ADAM19: variants seen among roughly 807,000 people sequenced by gnomAD.
ADAM19 encodes disintegrin and metalloproteinase domain-containing protein 19.
ADAM19 carries 65 observed loss-of-function variants against 114.7 expected under a neutral mutation model. The ratio of observed to expected loss-of-function variants is 0.57; its 90% CI spans 0.46 to 0.70. The LOEUF is 0.70. ADAM19 is among the 30% of genes least tolerant of loss of function. The pLI is 0.00. For synonymous variants in ADAM19, 466 were observed against 460.5 expected (o/e 1.01, Z -0.15); for missense variants, 1,063 against 1,204.7 (o/e 0.88, Z 1.74).
At chr5:157,537,490 G>A (rs11134803) in intron 4 of ADAM19, among the ~76,000 whole-genome samples, 1 of 152,136 alleles carries the variant, frequency 6.6e-6, no homozygotes. Flanking sequence ...AAATGTATAT[G>A]CACAGTGATT....
At position 157,480,151 on chromosome 5, in the gene ADAM19, G is replaced by C; in HGVS notation, c.*798C>G. The C allele has an allele frequency of 1.0e-6, 1 of 986,108 alleles. No individual in the cohort carries two copies. The highest frequency in any genetic ancestry group is 1.2e-6 in the Non-Finnish European group (1 of 830,070). 61.1% of individuals were successfully genotyped at this position (986,108 alleles called of 1,614,324 possible). A position where few individuals can be genotyped will look rare whatever the true frequency, so the allele number is the denominator to read the frequency against. On this transcript the variant is annotated 3_prime_UTR_variant, in exon 23 of 23. Coordinates refer to ENST00000257527, the MANE Select transcript of ADAM19 (RefSeq NM_033274.5). ...AGGGAGAATGAGAGGGGAAGGAAGA[G>C]AGAAAAGCGTGGGGCACCAGGAAAG...
Position 157,488,308 on chromosome 5 carries a change from G to T in ADAM19, c.2507C>A (p.Pro836Gln). 6.2e-7 allele frequency: 1 copy of T among 1,614,150 alleles called. No individual in the cohort carries two copies. The highest frequency in any genetic ancestry group is 8.5e-7 in the Non-Finnish European group (1 of 1,179,972). Residue 836 changes from proline to glutamine, a missense_variant, in exon 21 of 23, where the codon CCA (proline) becomes CAA (glutamine). By Grantham distance (76) the Pro-to-Gln change is moderately conservative. This residue lies in a region of ADAM19 where 424 missense variants were observed against 445.5 expected (regional missense o/e 0.95). Transcript: ENST00000257527. ...ERTESSRRPP[P>Q]SRPIPPAPNC... ...TGGTGCGGGGGGAATTGGCCGGCTT[G>T]GAGGAGGCCTCCTGGACGACTCCGT...
At chr5:157,519,032 G>T in intron 6 of ADAM19, 144 bp from the exon 7 acceptor site, 2 of 695,676 alleles carry the variant, frequency 2.9e-6, no homozygotes, top group Non-Finnish European at 5.0e-6. Context: ...GTTCTTGGCT[G>T]TGGTGGCCAT....
intron 4 of ADAM19, among the ~76,000 whole-genome samples, chr5:157,533,916 C>T (rs1756691852): frequency 6.6e-6 from 1 of 152,012 alleles, no homozygotes. Context: ...TGCAGTGAGC[C>T]GAGATGGCAC....
At position 157,495,933 on chromosome 5, in the gene ADAM19, C is replaced by A. The variant is rs376412287; in HGVS notation, c.1594+961G>T. On this transcript the variant is annotated intron_variant, in intron 14 of 22. Transcript: ENST00000257527. Reference sequence around the variant, plus strand: ...ACAGGCGTGAGCCACTGTGCCCAGTCTTTTTTTTTTTTTTTTTTTTTTTTT... The same window carrying A: ...ACAGGCGTGAGCCACTGTGCCCAGTATTTTTTTTTTTTTTTTTTTTTTTTT... Among the ~76,000 whole-genome samples the A allele has an allele frequency of 9.7e-4, 74 of 75,912 alleles. 1 individual carries two copies. The highest frequency in any genetic ancestry group is 5.2e-3 in the Admixed American group (29 of 5,600). 49.8% of individuals were successfully genotyped at this position (75,912 alleles called of 152,430 possible).
chr5:157,509,276 C>T (rs1213010215), intron 9 of ADAM19, 25 bp downstream of exon 9: 1 of 1,592,102 alleles, frequency 6.3e-7, no homozygotes, highest in Admixed American at 1.7e-5. Flanking sequence ...AAGGACAACA[C>T]AACATATGGA....
Position 157,509,298 on chromosome 5 carries a change from T to G in ADAM19, c.905+3A>C, listed in dbSNP as rs746156894. 1 of 1,605,208 alleles carries G rather than the reference T, an allele frequency of 6.2e-7. No individual in the cohort carries two copies. Among genetic ancestry groups the G allele is most frequent in the Non-Finnish European group, 8.5e-7 (1 of 1,174,446 alleles). On this transcript the variant is annotated splice_donor_region_variant and intron_variant, in intron 9 of 22. Coordinates refer to ENST00000257527, the MANE Select transcript of ADAM19 (RefSeq NM_033274.5). ...ACACAACATATGGAAAAAGGCTATT[T>G]ACGTGATTAATTGGGCGTTGTCATG... is the stretch of plus-strand genomic sequence containing the variant.
chr5:157,536,045 G>A (rs977997008), intron 4 of ADAM19, among the ~76,000 whole-genome samples: 26 of 152,362 alleles, frequency 1.7e-4, no homozygotes, highest in African/African-American at 5.8e-4. Context: ...CCCTGGGGAT[G>A]AGAAGACACA....
chr5:157,572,918 C>T (rs531079523), intron 1 of ADAM19, among the ~76,000 whole-genome samples: 19 of 152,156 alleles, frequency 1.2e-4, no homozygotes, highest in African/African-American at 4.1e-4. Context: ...GGTGTGGTGG[C>T]GCATGCCTGT....
chr5:157,503,598 G>A (rs1468776521), intron 11 of ADAM19, among the ~76,000 whole-genome samples: 2 of 152,154 alleles, frequency 1.3e-5, no homozygotes, highest in African/African-American at 4.8e-5. Context: ...ATCAGGAGTA[G>A]CAATTTCTGC....
rs1754718737 is a variant in ADAM19 at position 157,480,677 on chromosome 5, C to T, written c.*272G>A. The T allele has an allele frequency of 8.0e-7, 1 of 1,254,188 alleles. No homozygotes were observed. Among genetic ancestry groups the T allele is most frequent in the South Asian group, 2.1e-5 (1 of 47,042 alleles). The allele number at this position is 1,254,188 out of a possible 1,614,324, so 77.7% of individuals were successfully genotyped here. ...GCTAGGAGTCTGGAGGAGAAGCTGC[C>T]AGTCACCCTCCTCATACTCTCCCCT... is the stretch of plus-strand genomic sequence containing the variant. On this transcript the variant is annotated 3_prime_UTR_variant, in exon 23 of 23. Transcript: ENST00000257527.
In ADAM19 at chr5:157,491,712, G is replaced by A; in HGVS notation, c.1998C>T (p.Asn666=). 6.3e-7 allele frequency: 1 copy of A among 1,593,484 alleles called. No individual in the cohort carries two copies. The highest frequency in any genetic ancestry group is 8.6e-7 in the Non-Finnish European group (1 of 1,168,466). The change falls in exon 18 of 23, where the codon AAC becomes AAT. Residue 666 remains asparagine, a synonymous_variant. Coordinates refer to ENST00000257527, the MANE Select transcript of ADAM19 (RefSeq NM_033274.5). The stretch of plus-strand genomic sequence containing the variant: ...CCGGCAGGCAGTGGCAGTTCTGGTT[G>A]TTGTTACAGACCTGGAGCAAAGAAA... ...KKCNGHGVCN[N]NQNCHCLPGW... is the part of the protein sequence containing the mutation.
chr5:157,545,469 T>G (rs1757023401), intron 3 of ADAM19, among the ~76,000 whole-genome samples: 1 of 152,224 alleles, frequency 6.6e-6, no homozygotes, highest in Non-Finnish European at 1.5e-5. Flanking sequence ...CTATTCATTC[T>G]AGGATCTCAA....
chr5:157,535,947 C>T (rs867312221), intron 4 of ADAM19, among the ~76,000 whole-genome samples: 2 of 152,236 alleles, frequency 1.3e-5, no homozygotes, highest in African/African-American at 4.8e-5. Flanking sequence ...ACCCCTGCCC[C>T]TGGAGGCAGA....
At chr5:157,515,807 C>T (rs986101514) in intron 7 of ADAM19, among the ~76,000 whole-genome samples, 5 of 152,190 alleles carry the variant, frequency 3.3e-5, no homozygotes, top group African/African-American at 1.2e-4. Flanking sequence ...ATCCTGTCTA[C>T]TCCTACAACA....
intron 3 of ADAM19, among the ~76,000 whole-genome samples, chr5:157,561,024 T>C (rs567790053): frequency 6.6e-6 from 1 of 152,212 alleles, no homozygotes; most frequent in Admixed American, 6.5e-5. Context: ...TTAAAGAGGC[T>C]ACAAGGTAGT....
chr5:157,483,532 G>A (rs983343062), intron 21 of ADAM19, among the ~76,000 whole-genome samples: 5 of 152,058 alleles, frequency 3.3e-5, no homozygotes, highest in East Asian at 1.9e-4. Context: ...CACGCTCACC[G>A]CCTAATAGAA....
At chr5:157,499,002 AACAG>A (rs1278752371) in intron 13 of ADAM19, among the ~76,000 whole-genome samples, 22 of 152,248 alleles carry the variant, frequency 1.4e-4, no homozygotes, top group African/African-American at 4.8e-4. Flanking sequence ...CACTAGCAGC[AACAG>A]ACAATTTATC....
chr5:157,575,628 C>A lies in ADAM19; in HGVS notation c.69G>T (p.Arg23=), dbSNP rs1205750299. 1 of 1,443,606 alleles carries A rather than the reference C, an allele frequency of 6.9e-7. No individual in the cohort carries two copies. Among genetic ancestry groups the A allele is most frequent in the South Asian group, 1.4e-5 (1 of 73,306 alleles). The allele number at this position is 1,443,606 out of a possible 1,614,324, so 89.4% of individuals were successfully genotyped here. A position where few individuals can be genotyped will look rare whatever the true frequency, so the allele number is the denominator to read the frequency against. The part of the protein sequence containing the change: ...LAFALQPLRP[R]AAREPGWTRG... ...TTGTCCATCCAGGCTCCCGCGCCGC[C>A]CGCGGCCGGAGGGGCTGCAGGGCAA... The change falls in exon 1 of 23, where the codon CGG becomes CGT. Residue 23 remains arginine, a synonymous_variant. Coordinates refer to ENST00000257527, the MANE Select transcript of ADAM19 (RefSeq NM_033274.5).
Sources: gnomAD v4.1 joint callset for allele counts (sites outside exome capture counted in the v4.1 genomes callset) on GRCh38, gnomAD v4.1.1 for gene constraint, gnomAD v4.1.1 regional missense constraint, MANE v1.5 for transcripts, NCBI Gene and HGNC (gene_info 2026-07-23, HGNC 2026-07-21) for gene names.